Variants in SPDL1 observed in about 807,000 individuals in gnomAD.
The protein encoded by SPDL1 is spindle apparatus coiled-coil protein 1, also known as protein Spindly.
A neutral mutation model predicts 79.5 loss-of-function variants in SPDL1; 85 were observed. The observed-to-expected ratio is 1.07, with a 90% CI of 0.90 to 1.28. The LOEUF (loss-of-function observed/expected upper bound fraction) is 1.28. SPDL1 is among the 50% of genes most tolerant of loss of function. The pLI, the probability that SPDL1 is intolerant of heterozygous loss-of-function variation, is 0.00. For synonymous variants in SPDL1, 269 were observed against 240.3 expected (o/e 1.12, Z -1.10); for missense variants, 703 against 697.8 (o/e 1.01, Z -0.08).
intron 7 of SPDL1, chr5:169,595,441 GGACA>G (rs1468079639): frequency 1.3e-5 from 2 of 152,184 alleles, no homozygotes; most frequent in Admixed American, 6.5e-5. Flanking sequence ...CTGTGACCTT[GGACA>G]AGTATTTTAA....
chr5:169,602,031 G>C, intron 11 of SPDL1: 1 of 239,472 alleles, frequency 4.2e-6, no homozygotes, highest in South Asian at 5.4e-5. Context: ...AGGAAACTTA[G>C]GTGAATTTTT....
At chr5:169,601,246 A>AT (rs767191289) in intron 10 of SPDL1, 34 bp from the exon 11 acceptor site, 71 of 1,559,052 alleles carry the variant, frequency 4.6e-5, no homozygotes, top group Admixed American at 2.6e-4. Context: ...GTTTTCTTAG[A>AT]TTTTTTCTTT....
At chr5:169,591,329 C>T in intron 3 of SPDL1, 105 bp downstream of exon 3, 1 of 1,156,560 alleles carries the variant, frequency 8.6e-7, no homozygotes, top group Non-Finnish European at 1.2e-6. Context: ...TGCAAAATAG[C>T]CAAGATCTAA....
At position 169,593,471 on chromosome 5, in the gene SPDL1, T is replaced by C. The variant is rs781011680; in HGVS notation, c.454T>C (p.Ser152Pro). ...SCKSEELRVM[S>P]ERVQESMSSE... Reference sequence around the variant, plus strand: ...TAAATCAGAGGAACTGCGCGTAATGTCTGAACGTGTGCAGGAAAGCATGTC... The same window carrying C: ...TAAATCAGAGGAACTGCGCGTAATGCCTGAACGTGTGCAGGAAAGCATGTC... Residue 152 changes from serine (S) to proline (P), a missense_variant, in exon 4 of 12, where the codon TCT (serine) becomes CCT (proline). Ser to Pro is a moderately conservative substitution (Grantham distance 74). Coordinates refer to ENST00000265295, the MANE Select transcript of SPDL1 (RefSeq NM_017785.5). The C allele has an allele frequency of 2.5e-6, 4 of 1,614,146 alleles. No homozygotes were observed. In the East Asian group the frequency reaches 8.9e-5, roughly 36 times the overall value.
chr5:169,588,996 C>A (rs935172559), intron 2 of SPDL1, among the ~76,000 whole-genome samples: 1 of 140,518 alleles, frequency 7.1e-6, no homozygotes, highest in Non-Finnish European at 1.7e-5. Context: ...ATTCCCTGTC[C>A]GTTAACCAAA....
chr5:169,585,271 TATC>T (rs1754933702), intron 1 of SPDL1, among the ~76,000 whole-genome samples: 1 of 152,220 alleles, frequency 6.6e-6, no homozygotes, highest in South Asian at 2.1e-4. Context: ...CTCTTGCACT[TATC>T]ATACTTGTAA....
intron 7 of SPDL1, among the ~76,000 whole-genome samples, chr5:169,594,962 G>T (rs1755515915): frequency 6.6e-6 from 1 of 152,144 alleles, no homozygotes; most frequent in Non-Finnish European, 1.5e-5. Flanking sequence ...TGGAGTAGAA[G>T]AAAGAAAAGT....
intron 5 of SPDL1, 44 bp from the exon 6 acceptor site, chr5:169,594,350 C>A (rs372486291): frequency 6.2e-7 from 1 of 1,611,146 alleles, no homozygotes; most frequent in Non-Finnish European, 8.5e-7. Context: ...TATTTTCTTG[C>A]TAATGTAATC....
intron 10 of SPDL1, among the ~76,000 whole-genome samples, chr5:169,600,976 CTG>C (rs993500828): frequency 2.0e-5 from 3 of 152,296 alleles, no homozygotes; most frequent in Admixed American, 2.0e-4. Context: ...CATCTCCACA[CTG>C]AGATCTTATG....
chr5:169,585,552 A>C (rs1234997049), intron 1 of SPDL1, among the ~76,000 whole-genome samples: 1 of 152,224 alleles, frequency 6.6e-6, no homozygotes. Context: ...CATCAAGATA[A>C]TTAGATGAGA....
At chr5:169,591,766 A>G (rs1755300093) in intron 3 of SPDL1, among the ~76,000 whole-genome samples, 1 of 152,246 alleles carries the variant, frequency 6.6e-6, no homozygotes. Context: ...AATTGGACAC[A>G]ATTCAAGAAC....
intron 2 of SPDL1, 48 bp from the exon 3 acceptor site, chr5:169,591,000 C>A: frequency 6.7e-7 from 1 of 1,488,024 alleles, no homozygotes; most frequent in Non-Finnish European, 9.3e-7. Flanking sequence ...TATGTAATGG[C>A]TTTAGGCTAT....
At chr5:169,603,969 G>A (rs1756061316) in intron 11 of SPDL1, 91 bp from the exon 12 acceptor site, 1 of 1,375,118 alleles carries the variant, frequency 7.3e-7, no homozygotes, top group Non-Finnish European at 9.8e-7. Flanking sequence ...TGAATACCAT[G>A]CCTTATTGGA....
At position 169,601,446 on chromosome 5, in the gene SPDL1, C is replaced by T; in HGVS notation, c.1491C>T (p.Asn497=). ...TQSCPNSLED[N]NLQLEKSVSI... is the part of the protein sequence containing the mutation. ...CCTGCCCTAACAGTTTAGAAGATAA[C>T]AACTTGCAATTAGAAAAATCAGTTT... The change falls in exon 11 of 12, where the codon AAC becomes AAT. Residue 497 remains asparagine (N), a synonymous_variant. Transcript: ENST00000265295. 5.0e-6 allele frequency: 8 copies of T among 1,614,146 alleles called. No homozygotes were observed. Among genetic ancestry groups the T allele is most frequent in the Non-Finnish European group, 6.8e-6 (8 of 1,180,010 alleles).
intron 3 of SPDL1, among the ~76,000 whole-genome samples, 172 bp from the exon 4 acceptor site, chr5:169,593,182 A>G (rs542924368): frequency 2.0e-5 from 3 of 152,268 alleles, no homozygotes; most frequent in South Asian, 2.1e-4. Context: ...GATTATTTCT[A>G]TGTTTATTAA....
rs1370911491 is a variant in SPDL1 at position 169,594,693 on chromosome 5, T to C, written c.891+12T>C. The C allele has an allele frequency of 7.6e-6, 12 of 1,586,660 alleles. No homozygotes were observed. The highest frequency in any genetic ancestry group is 1.0e-5 in the Non-Finnish European group (12 of 1,157,390). On this transcript the variant is annotated intron_variant, in intron 7 of 11. Transcript: ENST00000265295. Reference sequence around the variant, plus strand: ...TGCAGAGAATGAAGGTATAGAACTTTCACTATCAAAGGTTTATTAAACAAA... The same window carrying C: ...TGCAGAGAATGAAGGTATAGAACTTCCACTATCAAAGGTTTATTAAACAAA...
intron 3 of SPDL1, among the ~76,000 whole-genome samples, chr5:169,592,547 C>G (rs1399477420): frequency 6.6e-6 from 1 of 152,002 alleles, no homozygotes; most frequent in East Asian, 1.9e-4. Flanking sequence ...TTATTTTTTC[C>G]CAGTATACAC....
chr5:169,601,678 T>C (rs1755931956), intron 11 of SPDL1, 53 bp downstream of exon 11: 2 of 1,430,034 alleles, frequency 1.4e-6, no homozygotes, highest in Non-Finnish European at 2.0e-6. Context: ...ATCTCTCCTC[T>C]CTCGCTGCAT....
intron 2 of SPDL1, chr5:169,590,609 G>T (rs151041442): frequency 2.5e-6 from 1 of 399,700 alleles, no homozygotes; most frequent in African/African-American, 2.1e-5. Context: ...CATTCTGAAA[G>T]TAAAGGCTAA....
Sources: allele counts gnomAD v4.1 joint callset (sites outside exome capture counted in the v4.1 genomes callset), GRCh38; gene constraint gnomAD v4.1.1; transcripts MANE v1.5; gene names NCBI Gene and HGNC (gene_info 2026-07-23, HGNC 2026-07-21).